GRM4: variants seen among roughly 807,000 people sequenced by gnomAD.
The protein encoded by GRM4 is metabotropic glutamate receptor 4.
A neutral mutation model predicts 81.7 loss-of-function variants in GRM4; 28 were observed. That is an observed-to-expected ratio of 0.34 (90% CI 0.25 to 0.47). The LOEUF is 0.47. GRM4 is among the 20% of genes least tolerant of loss of function. GRM4 has a pLI of 1.00. For missense variants in GRM4, 948 were observed against 1,290.0 expected (o/e 0.73, Z 4.06); for synonymous variants, 488 against 528.8 (o/e 0.92, Z 1.06).
intron 2 of GRM4, chr6:34,110,636 T>C (rs1769335609): frequency 8.9e-7 from 1 of 1,120,114 alleles, no homozygotes; most frequent in Non-Finnish European, 1.3e-6. Flanking sequence ...CCTACCCCCT[T>C]ACCATACCCC....
rs933019404 is a variant in GRM4 at position 34,133,626 on chromosome 6, T to C, written c.-130A>G. On this transcript the variant is annotated 5_prime_UTR_variant, in exon 2 of 11. Transcript: ENST00000538487. The surrounding 1 kb of genome is among the most constrained non-coding windows in gnomAD (Gnocchi z 6.5). ...GGGGGACTGAGGGCAGCCAACCGCG[T>C]AGCCCATGCTGCTACCCTCTCCCAC... The C allele has an allele frequency of 1.4e-6, 2 of 1,440,602 alleles. No homozygotes were observed. Among genetic ancestry groups the C allele is most frequent in the East Asian group, 2.5e-5 (1 of 40,648 alleles). 89.2% of individuals were successfully genotyped at this position (1,440,602 alleles called of 1,614,324 possible). A position where few individuals can be genotyped will look rare whatever the true frequency, so the allele number is the denominator to read the frequency against.
At chr6:34,101,926 C>A in intron 2 of GRM4, 1 of 1,231,796 alleles carries the variant, frequency 8.1e-7, no homozygotes, top group Non-Finnish European at 1.1e-6. Context: ...CCCCTGGCTT[C>A]TCTCCCGGAG....
Position 34,090,094 on chromosome 6 carries a change from G to A in GRM4, c.736+1789C>T, listed in dbSNP as rs1768121771. 6.6e-6 allele frequency among the ~76,000 whole-genome samples: 1 copy of A among 152,200 alleles called. No homozygotes were observed. The highest frequency in any genetic ancestry group is 1.5e-5 in the Non-Finnish European group (1 of 68,032). On this transcript the variant is annotated intron_variant, in intron 3 of 10. Transcript: ENST00000538487. The surrounding 1 kb of genome is among the most constrained non-coding windows in gnomAD (Gnocchi z 5.2). Reference sequence around the variant, plus strand: ...CCTGCACTTCCTCTCCTGCAAAATGGGGATGAGGCAGCATCTACCTCGTAG... The same window carrying A: ...CCTGCACTTCCTCTCCTGCAAAATGAGGATGAGGCAGCATCTACCTCGTAG...
rs572247720 is a variant in GRM4, at chr6:34,020,236, C to A, written c.*2585G>T. ...CAGGGGACTGGTAGTCCCTGAGGGCCCCTCCTGAGAGCCAAGGGGAGCCGA... is the reference window on the plus strand; with the variant it reads ...CAGGGGACTGGTAGTCCCTGAGGGCACCTCCTGAGAGCCAAGGGGAGCCGA... On this transcript the variant is annotated 3_prime_UTR_variant, in exon 11 of 11. Transcript: ENST00000538487. The A allele has an allele frequency of 1.3e-5, 2 of 152,372 alleles. No homozygotes were observed. Among genetic ancestry groups the A allele is most frequent in the South Asian group, 4.1e-4 (2 of 4,828 alleles). The allele number at this position is 152,372 out of a possible 1,614,324, so 9.4% of individuals were successfully genotyped here.
chr6:34,040,132 G>C (rs749553852), intron 8 of GRM4, 46 bp downstream of exon 8: 10 of 1,594,962 alleles, frequency 6.3e-6, no homozygotes, highest in African/African-American at 1.3e-5. Flanking sequence ...CCAGGGGCTG[G>C]AACTGCGTGA....
rs940891778 is a variant in GRM4 at position 34,035,623 on chromosome 6, C to T, written c.2442+45G>A. 2.4e-6 allele frequency: 3 copies of T among 1,258,824 alleles called. No individual in the cohort carries two copies. Among genetic ancestry groups the T allele is most frequent in the Admixed American group, 4.1e-5 (2 of 48,194 alleles). The allele number at this position is 1,258,824 out of a possible 1,614,324, so 78.0% of individuals were successfully genotyped here. ...GCCTCAGGAGGCTGCCCCTTGCTCA[C>T]TGCCCTCACCTACCCACCGTCCACC... is the stretch of plus-strand genomic sequence containing the variant. On this transcript the variant is annotated intron_variant, in intron 9 of 10. Transcript: ENST00000538487. This position sits in a 1 kb window ranked among gnomAD's most constrained non-coding sequence, Gnocchi z 6.6.
intron 6 of GRM4, chr6:34,056,312 G>C: frequency 1.8e-6 from 1 of 561,402 alleles, no homozygotes. Flanking sequence ...GGCGGCCAGA[G>C]GCCTTACCAC....
intron 1 of GRM4, among the ~76,000 whole-genome samples, chr6:34,135,532 A>C (rs763191981): frequency 6.6e-6 from 1 of 152,266 alleles, no homozygotes; most frequent in African/African-American, 2.4e-5. Flanking sequence ...AAGCTGACAG[A>C]AAGTTTCATA....
rs375027225 is a variant in GRM4 at position 34,040,607 on chromosome 6, C to A, written c.1310G>T (p.Arg437Leu). 6.2e-7 allele frequency: 1 copy of A among 1,613,942 alleles called. No individual in the cohort carries two copies. The highest frequency in any genetic ancestry group is 1.3e-5 in the African/African-American group (1 of 74,926). ...CTGGGTGCCATCTACAGGGTCCATG[C>A]GCGGGCAGAGCCCCACGCGGCCGGG... ...LCPGRVGLCP[R>L]MDPVDGTQLL... Residue 437 changes from arginine to leucine, a missense_variant, in exon 7 of 11, where the codon CGC becomes CTC. By Grantham distance (102) the Arg-to-Leu change is moderately radical (BLOSUM62 -2). Transcript: ENST00000538487.
rs71000022 is a variant in GRM4, at chr6:34,087,799, TACACACACAC to T, written c.736+4074_736+4083del. 6.0e-4 allele frequency among the ~76,000 whole-genome samples: 53 copies of T among 88,396 alleles called. 1 individual carries two copies. The highest frequency in any genetic ancestry group is 3.4e-3 in the South Asian group (7 of 2,070). The allele number at this position is 88,396 out of a possible 152,430, so 58.0% of individuals were successfully genotyped here. On this transcript the variant is annotated intron_variant, in intron 3 of 10. Transcript: ENST00000538487. ...CCAGAACTTCCCAGACATGCACCCC[TACACACACAC>T]ACACACACACACACACACACACACA...
intron 10 of GRM4, among the ~76,000 whole-genome samples, chr6:34,023,673 C>T (rs781774921): frequency 5.9e-5 from 9 of 152,194 alleles, no homozygotes; most frequent in Non-Finnish European, 1.3e-4. Flanking sequence ...ATGGGGGTAT[C>T]TCCCATTCCT....
chr6:34,020,180 C>A lies in GRM4; in HGVS notation c.*2641G>T, dbSNP rs1763820308. On this transcript the variant is annotated 3_prime_UTR_variant, in exon 11 of 11. Transcript: ENST00000538487. ...TATCTCCCCCATCACACTGGAAGCT[C>A]CCTGAGGGCAGGGCTATTTCTTCCC... 2 of 152,302 alleles carry A rather than the reference C, an allele frequency of 1.3e-5. No individual in the cohort carries two copies. The highest frequency in any genetic ancestry group is 4.8e-5 in the African/African-American group (2 of 41,440). The allele number at this position is 152,302 out of a possible 1,614,324, so 9.4% of individuals were successfully genotyped here. A position where few individuals can be genotyped will look rare whatever the true frequency, so the allele number is the denominator to read the frequency against.
chr6:34,026,862 G>C (rs60279188), intron 10 of GRM4, among the ~76,000 whole-genome samples: 1 of 152,110 alleles, frequency 6.6e-6, no homozygotes, highest in African/African-American at 2.4e-5. Context: ...TGACAGACCT[G>C]CTCCTGCACG....
rs902336443 is a variant in GRM4, at chr6:34,102,177, A to G, written c.520-10078T>C. The G allele has an allele frequency of 1.9e-4, 287 of 1,533,322 alleles. 1 individual carries two copies. The highest frequency in any genetic ancestry group is 2.4e-4 in the Non-Finnish European group (271 of 1,145,146). The allele number at this position is 1,533,322 out of a possible 1,614,324, so 95.0% of individuals were successfully genotyped here. A position where few individuals can be genotyped will look rare whatever the true frequency, so the allele number is the denominator to read the frequency against. On this transcript the variant is annotated intron_variant, in intron 2 of 10. Transcript: ENST00000538487. ...AAGGTGTGCAGGGGACAGGAGCAAT[A>G]ATAGGTCTCCCCACTTCCTGCAAAA...
chr6:34,110,078 C>T (rs909395880), intron 2 of GRM4, among the ~76,000 whole-genome samples: 2 of 152,172 alleles, frequency 1.3e-5, no homozygotes, highest in African/African-American at 4.8e-5. Flanking sequence ...GGGCAGATTC[C>T]TTGAGCCCAG....
In GRM4 at chr6:34,099,887, C is replaced by T. The variant is rs142297318; in HGVS notation, c.520-7788G>A. On this transcript the variant is annotated intron_variant, in intron 2 of 10. Transcript: ENST00000538487. ...TCCAGGGCCACACATTGGGGCCCTT[C>T]CCCTTCAATACCGCCTTCCCCAACA... 387 of 177,344 alleles carry T rather than the reference C, an allele frequency of 2.2e-3. 1 individual carries two copies. The highest frequency in any genetic ancestry group is 3.8e-3 in the Non-Finnish European group (350 of 90,970). The allele number at this position is 177,344 out of a possible 1,614,324, so 11.0% of individuals were successfully genotyped here. A position where few individuals can be genotyped will look rare whatever the true frequency, so the allele number is the denominator to read the frequency against.
rs576292274 is a variant in GRM4 at position 34,074,155 on chromosome 6, C to T, written c.737-12127G>A. ...GGAAGAAGAGGGGGACACAGACATACGACAGCCAGACTAGTGTGATATGAG... is the reference window on the plus strand; with the variant it reads ...GGAAGAAGAGGGGGACACAGACATATGACAGCCAGACTAGTGTGATATGAG... On this transcript the variant is annotated intron_variant, in intron 3 of 10. Transcript: ENST00000538487. The surrounding 1 kb of genome is among the most constrained non-coding windows in gnomAD (Gnocchi z 4.9). Among the ~76,000 whole-genome samples the T allele has an allele frequency of 1.2e-4, 18 of 152,128 alleles. No homozygotes were observed. Among genetic ancestry groups the T allele is most frequent in the African/African-American group, 3.6e-4 (15 of 41,502 alleles).
chr6:34,101,030 C>A (rs181063308), intron 2 of GRM4, among the ~76,000 whole-genome samples: 101 of 152,314 alleles, frequency 6.6e-4, no homozygotes, highest in African/African-American at 2.3e-3. Flanking sequence ...CTGACAGACA[C>A]AGGGAGCGGT....
chr6:34,097,348 G>C (rs1218761107), intron 2 of GRM4, among the ~76,000 whole-genome samples: 1 of 152,168 alleles, frequency 6.6e-6, no homozygotes, highest in East Asian at 1.9e-4. Flanking sequence ...ATGTCTGTGT[G>C]TGTGTGTGAA....
Sources: gnomAD v4.1 joint callset for allele counts (sites outside exome capture counted in the v4.1 genomes callset) on GRCh38, gnomAD v4.1.1 for gene constraint, Gnocchi (gnomAD v3.1) non-coding constraint, MANE v1.5 for transcripts, NCBI Gene and HGNC (gene_info 2026-07-23, HGNC 2026-07-21) for gene names.